Variants in PDE1C observed in about 807,000 individuals in gnomAD.
PDE1C encodes phosphodiesterase 1C, also known as dual specificity calcium/calmodulin-dependent 3',5'-cyclic nucleotide phosphodiesterase 1C.
A neutral mutation model predicts 93.1 loss-of-function variants in PDE1C; 62 were observed. The ratio of observed to expected loss-of-function variants is 0.67; its 90% CI spans 0.54 to 0.82. PDE1C has a LOEUF of 0.82. PDE1C is among the 40% of genes least tolerant of loss of function. The probability of loss-of-function intolerance (pLI) is 0.00; values close to 1 mark genes in which losing one functional copy is unlikely to be tolerated. For synonymous variants in PDE1C, 325 were observed against 310.1 expected (o/e 1.05, Z -0.50); for missense variants, 742 against 884.6 (o/e 0.84, Z 2.04).
intron 1 of PDE1C, among the ~76,000 whole-genome samples, chr7:32,366,371 AAC>A (rs777515845): frequency 8.5e-5 from 13 of 152,206 alleles, no homozygotes; most frequent in Non-Finnish European, 1.6e-4. Flanking sequence ...CATTTGAAAT[AAC>A]ACAGGCAGAC....
At chr7:32,215,095 G>A (rs908908552) in intron 1 of PDE1C, among the ~76,000 whole-genome samples, 1 of 152,158 alleles carries the variant, frequency 6.6e-6, no homozygotes, top group African/African-American at 2.4e-5. Context: ...CCCAACCCCT[G>A]GGCCACAGAA....
At chr7:32,314,168 T>C (rs940949969) in intron 1 of PDE1C, among the ~76,000 whole-genome samples, 1 of 152,162 alleles carries the variant, frequency 6.6e-6, no homozygotes, top group Non-Finnish European at 1.5e-5. Context: ...ATATCAACAA[T>C]TTTAATACTA....
At chr7:31,639,540 T>TTTTTG in the PDE1C span, among the ~76,000 whole-genome samples, 1 of 8,202 alleles carries the variant, frequency 1.2e-4, no homozygotes, top group Non-Finnish European at 2.9e-4. Context: ...TTGTTTTTGT[T>TTTTTG]TTTTTTTTTT....
intron 3 of PDE1C, among the ~76,000 whole-genome samples, chr7:32,139,446 A>G (rs1261361213): frequency 1.3e-5 from 2 of 151,900 alleles, no homozygotes; most frequent in Non-Finnish European, 2.9e-5. Context: ...TTCAAAAGGG[A>G]GGAAGAAGTA....
chr7:31,759,696 C>G (rs529556434), intron 17 of PDE1C, among the ~76,000 whole-genome samples: 1 of 152,306 alleles, frequency 6.6e-6, no homozygotes, highest in African/African-American at 2.4e-5. Context: ...CATCACCGTC[C>G]TTTATTTTAT....
chr7:32,007,566 T>C (rs2128576923), intron 2 of PDE1C, among the ~76,000 whole-genome samples: 1 of 152,324 alleles, frequency 6.6e-6, no homozygotes. Context: ...TGACAATAGA[T>C]ATAATGTTCA....
chr7:32,128,248 G>A (rs1358919312), intron 3 of PDE1C, among the ~76,000 whole-genome samples: 1 of 151,620 alleles, frequency 6.6e-6, no homozygotes, highest in Non-Finnish European at 1.5e-5. Context: ...AAAGCATAGA[G>A]CCAAATGAAT....
At chr7:32,286,006 A>C (rs1811977828) in intron 1 of PDE1C, among the ~76,000 whole-genome samples, 2 of 152,116 alleles carry the variant, frequency 1.3e-5, no homozygotes, top group Admixed American at 1.3e-4. Flanking sequence ...AGGATGAGAA[A>C]ATTATTTAAT....
chr7:31,870,592 G>A (rs1421894941), intron 6 of PDE1C, among the ~76,000 whole-genome samples: 1 of 151,962 alleles, frequency 6.6e-6, no homozygotes, highest in Non-Finnish European at 1.5e-5. Flanking sequence ...AATGAGTAAT[G>A]AGTTTGAATC....
chr7:31,883,811 G>C (rs997058302), intron 2 of PDE1C, among the ~76,000 whole-genome samples: 2 of 152,202 alleles, frequency 1.3e-5, no homozygotes, highest in Admixed American at 6.5e-5. Flanking sequence ...CTCCATCAGG[G>C]AGACCCAGGC....
At chr7:31,682,954 T>A in the PDE1C span, among the ~76,000 whole-genome samples, 6 of 152,156 alleles carry the variant, frequency 3.9e-5, no homozygotes, top group Admixed American at 2.0e-4. Context: ...AGAGGACAGA[T>A]TAGTGGTTGT....
chr7:31,769,837 T>C (rs1198583534), intron 17 of PDE1C, among the ~76,000 whole-genome samples: 1 of 152,236 alleles, frequency 6.6e-6, no homozygotes, highest in African/African-American at 2.4e-5. Flanking sequence ...TCTGGGTATT[T>C]TATGTAAATG....
At chr7:32,425,770 G>A (rs1245240528) in intron 1 of PDE1C, among the ~76,000 whole-genome samples, 1 of 152,032 alleles carries the variant, frequency 6.6e-6, no homozygotes, top group Non-Finnish European at 1.5e-5. Context: ...GAGAAATCTT[G>A]TCTCTACAAA....
chr7:32,341,377 G>A (rs984696848), intron 1 of PDE1C, among the ~76,000 whole-genome samples: 10 of 149,800 alleles, frequency 6.7e-5, no homozygotes, highest in African/African-American at 9.8e-5. Context: ...GGGTTTCACC[G>A]TGTTAGCCAG....
chr7:32,209,601 C>A, intron 1 of PDE1C: 1 of 1,328,052 alleles, frequency 7.5e-7, no homozygotes, highest in Non-Finnish European at 1.0e-6. Flanking sequence ...CAAATATGCC[C>A]CAATACAGCC....
At chr7:32,025,951 C>G (rs1334365984) in intron 2 of PDE1C, among the ~76,000 whole-genome samples, 2 of 152,130 alleles carry the variant, frequency 1.3e-5, no homozygotes, top group Non-Finnish European at 2.9e-5. Flanking sequence ...CAGGAATCTG[C>G]TCTGCTAATG....
intron 2 of PDE1C, among the ~76,000 whole-genome samples, chr7:32,175,353 A>T (rs1802914048): frequency 6.6e-6 from 1 of 152,238 alleles, no homozygotes; most frequent in South Asian, 2.1e-4. Context: ...TAGTCTATTA[A>T]GTGTGTAATA....
exon 1 of PDE1C, chr7:32,299,032 G>A (rs1812806134): frequency 3.3e-6 from 4 of 1,198,548 alleles, no homozygotes; most frequent in Non-Finnish European, 3.1e-6. Context: ...ACGCGCGCCC[G>A]AGCGCGTGGA....
chr7:32,284,074 C>T (rs747747381), intron 1 of PDE1C, among the ~76,000 whole-genome samples: 2 of 152,158 alleles, frequency 1.3e-5, no homozygotes, highest in Non-Finnish European at 2.9e-5. Context: ...ATTTTGCATC[C>T]TCCTAGAACA....
Sources: allele counts gnomAD v4.1 joint callset (sites outside exome capture counted in the v4.1 genomes callset), GRCh38; gene constraint gnomAD v4.1.1; transcripts MANE v1.5; gene names NCBI Gene and HGNC (gene_info 2026-07-23, HGNC 2026-07-21).